The following MED13L variants were observed in gnomAD, a reference collection of about 807,000 sequenced individuals.
MED13L encodes mediator complex subunit 13L, also known as mediator of RNA polymerase II transcription subunit 13-like.
In MED13L, 7 loss-of-function variants were observed where a neutral mutation model predicts 220.9. The observed-to-expected ratio is 0.03, with a 90% confidence interval of 0.02 to 0.06. The LOEUF (loss-of-function observed/expected upper bound fraction) is 0.06. MED13L is among the 10% of genes least tolerant of loss of function. The pLI is 1.00. For synonymous variants in MED13L, 1,011 were observed against 1,015.2 expected, an observed-to-expected ratio of 1.00 and a Z score of 0.08; for missense variants, 1,965 against 2,760.5, an observed-to-expected ratio of 0.71 and a Z score of 6.46.
intron 4 of MED13L, among the ~76,000 whole-genome samples, chr12:116,083,129 A>G (rs1031991637): frequency 1.3e-5 from 2 of 152,156 alleles, no homozygotes; most frequent in African/African-American, 4.8e-5. Context: ...TGTGCAGGCC[A>G]GGCGTGGTGG....
In MED13L at chr12:115,989,865, CTCCT is replaced by C. The variant is rs148098319; in HGVS notation, c.3934+1151_3934+1154del. On this transcript the variant is annotated intron_variant, in intron 17 of 30. Coordinates refer to ENST00000281928, the MANE Select transcript of MED13L (RefSeq NM_015335.5). ...TTCTTACTAGGTCTTCCTCACTAAC[CTCCT>C]TGTCTCCCCAAATCCATTCCTGCCA... 8.4e-3 allele frequency among the ~76,000 whole-genome samples: 1,279 copies of C among 152,326 alleles called. 8 individuals are homozygous for C. The highest frequency in any genetic ancestry group is 0.014 in the Non-Finnish European group (933 of 68,034).
intron 2 of MED13L, among the ~76,000 whole-genome samples, chr12:116,132,279 C>CAAAAAAA (rs1005783459): frequency 1.3e-5 from 1 of 77,416 alleles, no homozygotes; most frequent in Non-Finnish European, 2.7e-5. Context: ...TACTTCGTCT[C>CAAAAAAA]AAAAAAAAAA....
chr12:115,972,045 T>C, intron 26 of MED13L, 33 bp downstream of exon 26: 1 of 1,610,316 alleles, frequency 6.2e-7, no homozygotes, highest in Non-Finnish European at 8.5e-7. Flanking sequence ...TGATGTGATA[T>C]GTAATTAATG....
rs79977005 is a variant in MED13L, at chr12:116,033,675, G to A, written c.480-11074C>T. Among the ~76,000 whole-genome samples, 504 of 152,196 alleles carry A rather than the reference G, an allele frequency of 3.3e-3. 20 individuals are homozygous for A. The East Asian group carries it at 0.08, about 24-fold the overall frequency. On this transcript the variant is annotated intron_variant, in intron 4 of 30. Transcript: ENST00000281928. ...TAGTACAAGATCCTCACTCCTACAC[G>A]TCACCTTGGAGCTTCCCTAGATATC...
chr12:116,119,838 A>AAAAAAATAT (rs1555213242), intron 2 of MED13L, among the ~76,000 whole-genome samples: 1 of 31,594 alleles, frequency 3.2e-5, no homozygotes, highest in Admixed American at 4.8e-4. Flanking sequence ...AAAAAAAAAA[A>AAAAAAATAT]ATATATATAT....
At chr12:116,246,559 T>C (rs1304801225) in intron 1 of MED13L, among the ~76,000 whole-genome samples, 2 of 150,732 alleles carry the variant, frequency 1.3e-5, no homozygotes, top group Admixed American at 6.6e-5. Flanking sequence ...ATGTCTGTAA[T>C]GCCAGCACTT....
At chr12:116,022,895 G>A (rs1397809305) in intron 4 of MED13L, among the ~76,000 whole-genome samples, 3 of 152,114 alleles carry the variant, frequency 2.0e-5, no homozygotes, top group Non-Finnish European at 4.4e-5. Context: ...TAAGAACAGA[G>A]AAGGAATTGG....
chr12:115,963,563 CA>C (rs1875920820), intron 29 of MED13L, 44 bp from the exon 30 acceptor site: 1 of 1,438,664 alleles, frequency 7.0e-7, no homozygotes, highest in African/African-American at 1.4e-5. Flanking sequence ...TCTAGACAAT[CA>C]CAGTGCAGAA....
chr12:116,158,156 A>AG (rs1878587752), intron 2 of MED13L, among the ~76,000 whole-genome samples: 1 of 152,084 alleles, frequency 6.6e-6, no homozygotes, highest in Non-Finnish European at 1.5e-5. Flanking sequence ...AAGGGGAAAA[A>AG]AAAAAAAAAA....
intron 2 of MED13L, among the ~76,000 whole-genome samples, chr12:116,160,921 G>A (rs1175917249): frequency 6.6e-6 from 1 of 152,094 alleles, no homozygotes; most frequent in Non-Finnish European, 1.5e-5. Flanking sequence ...AATGGGCAAA[G>A]TAGATGTCTT....
chr12:116,181,471 T>C (rs1339596176), intron 2 of MED13L, among the ~76,000 whole-genome samples: 1 of 152,170 alleles, frequency 6.6e-6, no homozygotes, highest in Non-Finnish European at 1.5e-5. Flanking sequence ...CTCTTTACTA[T>C]CATCTCAATT....
Position 115,983,167 on chromosome 12 carries a change from G to A in MED13L, c.4905C>T (p.Asp1635=). 1 of 1,614,104 alleles carries A rather than the reference G, an allele frequency of 6.2e-7. No homozygotes were observed. Among genetic ancestry groups the A allele is most frequent in the Non-Finnish European group, 8.5e-7 (1 of 1,180,008 alleles). The change falls in exon 21 of 31, where the codon GAC becomes GAT. Residue 1635 remains aspartate (D), a synonymous_variant. Transcript: ENST00000281928. ...RTQGNIGCGG[D]TDPGQSSSQP... ...GAGAAGAGCTCTGCCCAGGGTCAGT[G>A]TCTCCACCACAGCCTATGTTCCCTT...
chr12:116,265,964 A>G (rs1368470461), intron 1 of MED13L, among the ~76,000 whole-genome samples: 1 of 152,128 alleles, frequency 6.6e-6, no homozygotes, highest in East Asian at 1.9e-4. Context: ...GTATTATCAG[A>G]TATTATGCGG....
chr12:116,216,361 G>C (rs779609278), intron 2 of MED13L, among the ~76,000 whole-genome samples: 2 of 151,930 alleles, frequency 1.3e-5, no homozygotes, highest in Non-Finnish European at 2.9e-5. Flanking sequence ...CTTAATCCTG[G>C]TATCTATAGG....
chr12:115,965,452 G>A (rs1876086656), intron 29 of MED13L, among the ~76,000 whole-genome samples: 1 of 152,168 alleles, frequency 6.6e-6, no homozygotes, highest in African/African-American at 2.4e-5. Context: ...ACCAACACCA[G>A]GGCCTGCTCC....
intron 2 of MED13L, among the ~76,000 whole-genome samples, chr12:116,179,046 A>G: frequency 6.6e-6 from 1 of 152,244 alleles, no homozygotes; most frequent in East Asian, 1.9e-4. Flanking sequence ...ATTCACAAAT[A>G]TAACTTCTGT....
intron 3 of MED13L, among the ~76,000 whole-genome samples, chr12:116,104,096 C>T (rs189045902): frequency 6.7e-6 from 1 of 149,764 alleles, no homozygotes; most frequent in Non-Finnish European, 1.5e-5. Flanking sequence ...CTGCAACCTC[C>T]GCCTCCCAGG....
chr12:116,118,557 C>T (rs1189838379), intron 2 of MED13L, among the ~76,000 whole-genome samples: 1 of 152,130 alleles, frequency 6.6e-6, no homozygotes, highest in Non-Finnish European at 1.5e-5. Flanking sequence ...CATTAATTTG[C>T]TGACCCTTTC....
In MED13L at chr12:115,991,160, T is replaced by C; in HGVS notation, c.3794A>G (p.Gln1265Arg). The C allele has an allele frequency of 6.2e-7, 1 of 1,614,198 alleles. No individual in the cohort carries two copies. The highest frequency in any genetic ancestry group is 8.5e-7 in the Non-Finnish European group (1 of 1,180,036). Reference protein sequence around the residue: ...PCVSWSYDRVQADNNDYWTEC... With the variant: ...PCVSWSYDRVRADNNDYWTEC... ...CGTCCAGTAATCATTATTATCTGCT[T>C]GCACCCGGTCATAACTCCAGCTTAC... The change falls in exon 17 of 31, where the codon CAA becomes CGA. Residue 1265 changes from glutamine (Q) to arginine (R), a missense_variant. Gln to Arg is a conservative substitution (Grantham distance 43). This residue lies in a region of MED13L where 165 missense variants were observed against 190.8 expected (regional missense o/e 0.86). Transcript: ENST00000281928. This position sits in a 1 kb window ranked among gnomAD's most constrained non-coding sequence, Gnocchi z 7.7.
Sources: allele counts gnomAD v4.1 joint callset (sites outside exome capture counted in the v4.1 genomes callset), GRCh38; gene constraint gnomAD v4.1.1; regional missense constraint gnomAD v4.1.1; non-coding constraint Gnocchi (gnomAD v3.1); transcripts MANE v1.5; gene names NCBI Gene and HGNC (gene_info 2026-07-23, HGNC 2026-07-21).